ALPK1: variants seen among roughly 807,000 people sequenced by gnomAD.
ALPK1 encodes the protein alpha-protein kinase 1.
In ALPK1, 110 loss-of-function variants were observed where a neutral mutation model predicts 120.6. The ratio of observed to expected loss-of-function variants is 0.91; its 90% CI spans 0.78 to 1.07. ALPK1 has a LOEUF of 1.07. Ranked by LOEUF, ALPK1 falls within the 50% of genes least tolerant of loss-of-function variation. The pLI is 0.00. For synonymous variants in ALPK1, 582 were observed against 560.3 expected, an observed-to-expected ratio of 1.04 and a Z score of -0.55; for missense variants, 1,498 against 1,483.9, an observed-to-expected ratio of 1.01 and a Z score of -0.16.
At chr4:112,298,787 G>T (rs774451040) in intron 1 of ALPK1, among the ~76,000 whole-genome samples, 2 of 152,130 alleles carry the variant, frequency 1.3e-5, no homozygotes, top group Non-Finnish European at 2.9e-5. Flanking sequence ...TGTGATCTAG[G>T]TTTGGATTTA....
intron 5 of ALPK1, among the ~76,000 whole-genome samples, chr4:112,416,436 AG>A (rs1733749513): frequency 6.6e-6 from 1 of 152,246 alleles, no homozygotes; most frequent in Admixed American, 6.5e-5. Flanking sequence ...CAGAGAGCTA[AG>A]TAGATGAAAA....
rs1560692489 is a variant in ALPK1 at position 112,440,942 on chromosome 4, A to C, written c.3564A>C (p.Gly1188=). 6.2e-7 allele frequency: 1 copy of C among 1,612,998 alleles called. No individual in the cohort carries two copies. Among genetic ancestry groups the C allele is most frequent in the Non-Finnish European group, 8.5e-7 (1 of 1,179,594 alleles). ...LQGWVTGNGK[G]LIYLTDPQIH... ...GTTGGGTAACCGGTAATGGAAAAGG[A>C]CTCATCTACCTCACAGATCCCCAGA... Residue 1188 remains glycine, a synonymous_variant, in exon 15 of 16, where the codon GGA becomes GGC. Transcript: ENST00000650871.
Position 112,432,106 on chromosome 4 carries a change from G to A in ALPK1, c.2559G>A (p.Glu853=). 6.2e-7 allele frequency: 1 copy of A among 1,614,218 alleles called. No individual in the cohort carries two copies. The highest frequency in any genetic ancestry group is 8.5e-7 in the Non-Finnish European group (1 of 1,180,026). The change falls in exon 11 of 16, where the codon GAG becomes GAA. Residue 853 remains glutamate (E), a synonymous_variant. Transcript: ENST00000650871. ...GIDPDASTVD[E]EGQLLDSMDV... ...ACCCTGATGCCTCCACAGTGGATGA[G>A]GAGGGGCAACTGCTCGACAGCATGG...
intron 6 of ALPK1, among the ~76,000 whole-genome samples, 195 bp downstream of exon 6, chr4:112,424,198 T>TAAA (rs34591132): frequency 0.013 from 2,004 of 148,502 alleles, 40 homozygotes; most frequent in African/African-American, 0.044. Context: ...TTCTCTAAGT[T>TAAA]AAAAAAAAAA....
chr4:112,320,960 G>A (rs1296388784), intron 2 of ALPK1, among the ~76,000 whole-genome samples: 6 of 145,608 alleles, frequency 4.1e-5, no homozygotes, highest in Admixed American at 1.4e-4. Flanking sequence ...GCAGTGGCGC[G>A]AGCTTGGATC....
chr4:112,411,043 AG>A (rs1460413909), intron 4 of ALPK1: 1 of 154,864 alleles, frequency 6.5e-6, no homozygotes, highest in Non-Finnish European at 1.5e-5. Flanking sequence ...AGAGATAGGA[AG>A]GGTAGGAGAA....
intron 1 of ALPK1, among the ~76,000 whole-genome samples, chr4:112,315,413 T>C (rs1271601003): frequency 2.6e-5 from 4 of 152,212 alleles, no homozygotes; most frequent in Non-Finnish European, 5.9e-5. Flanking sequence ...AATTATCAGA[T>C]ATGACCACCA....
intron 4 of ALPK1, among the ~76,000 whole-genome samples, chr4:112,393,878 A>C (rs911477221): frequency 6.6e-6 from 1 of 152,130 alleles, no homozygotes; most frequent in African/African-American, 2.4e-5. Flanking sequence ...TTCTTCTGTT[A>C]TATTTTTTAG....
chr4:112,363,469 G>T lies in ALPK1; in HGVS notation c.-100-14209G>T, dbSNP rs529735277. Among the ~76,000 whole-genome samples the T allele has an allele frequency of 7.6e-4, 115 of 152,146 alleles. 1 individual carries two copies. The highest frequency in any genetic ancestry group is 2.6e-3 in the African/African-American group (106 of 41,542). On this transcript the variant is annotated intron_variant, in intron 2 of 15. Transcript: ENST00000650871. Reference sequence around the variant, plus strand: ...AGTTAAAAAAGAAAAAGGAATAGTGGATAATGATAAAAGGACTAGTCCAAC... The same window carrying T: ...AGTTAAAAAAGAAAAAGGAATAGTGTATAATGATAAAAGGACTAGTCCAAC...
At chr4:112,402,520 T>G (rs760125184) in intron 4 of ALPK1, among the ~76,000 whole-genome samples, 54 of 152,318 alleles carry the variant, frequency 3.5e-4, no homozygotes, top group Non-Finnish European at 7.2e-4. Flanking sequence ...ACCACCTGAC[T>G]CAGCTTCCTA....
At chr4:112,429,104 A>T (rs1252208739) in intron 9 of ALPK1, 45 bp from the exon 10 acceptor site, 10 of 1,542,778 alleles carry the variant, frequency 6.5e-6, no homozygotes, top group Non-Finnish European at 8.1e-6. Flanking sequence ...TTGCTCATCG[A>T]TAATTAATTA....
At chr4:112,402,821 C>G (rs1732979195) in intron 4 of ALPK1, among the ~76,000 whole-genome samples, 1 of 152,186 alleles carries the variant, frequency 6.6e-6, no homozygotes, top group African/African-American at 2.4e-5. Context: ...AGTTTTTGAT[C>G]TTGAGCTATA....
At chr4:112,426,392 G>T in intron 7 of ALPK1, 75 bp from the exon 8 acceptor site, 8 of 1,162,308 alleles carry the variant, frequency 6.9e-6, no homozygotes, top group Non-Finnish European at 8.8e-6. Context: ...GTTTTCAAAG[G>T]TTTTCTCTAT....
chr4:112,372,987 T>C (rs1157493635), intron 2 of ALPK1, among the ~76,000 whole-genome samples: 1 of 152,254 alleles, frequency 6.6e-6, no homozygotes, highest in Non-Finnish European at 1.5e-5. Flanking sequence ...TACACCTCTC[T>C]TTCTCGATGT....
chr4:112,363,957 G>A (rs912843547), intron 2 of ALPK1, among the ~76,000 whole-genome samples: 2 of 152,160 alleles, frequency 1.3e-5, no homozygotes, highest in Admixed American at 6.5e-5. Context: ...GCTCCTGATC[G>A]ATTGTTGGGT....
At chr4:112,440,717 T>A (rs1734997948) in intron 14 of ALPK1, among the ~76,000 whole-genome samples, 200 bp from the exon 15 acceptor site, 1 of 152,148 alleles carries the variant, frequency 6.6e-6, no homozygotes, top group South Asian at 2.1e-4. Context: ...TTAATTATTC[T>A]TAAACTAATA....
intron 1 of ALPK1, among the ~76,000 whole-genome samples, chr4:112,306,101 A>C (rs1310139442): frequency 6.6e-6 from 1 of 151,980 alleles, no homozygotes; most frequent in African/African-American, 2.4e-5. Flanking sequence ...GATGAAGCCC[A>C]CTTGATCATG....
At chr4:112,395,401 G>A (rs1221745247) in intron 4 of ALPK1, among the ~76,000 whole-genome samples, 1 of 152,072 alleles carries the variant, frequency 6.6e-6, no homozygotes, top group Non-Finnish European at 1.5e-5. Context: ...TTCTTTTATT[G>A]GATATATTTG....
At chr4:112,439,619 T>C in intron 13 of ALPK1, 67 bp from the exon 14 acceptor site, 1 of 1,423,090 alleles carries the variant, frequency 7.0e-7, no homozygotes, top group Middle Eastern at 2.6e-4. Context: ...CAAACCAAGA[T>C]TTACCCAAGT....
Sources: allele counts gnomAD v4.1 joint callset (sites outside exome capture counted in the v4.1 genomes callset), GRCh38; gene constraint gnomAD v4.1.1; transcripts MANE v1.5; gene names NCBI Gene and HGNC (gene_info 2026-07-23, HGNC 2026-07-21).